The following OSBPL9 variants were observed in gnomAD, a reference collection of about 807,000 sequenced individuals.
The protein encoded by OSBPL9 is oxysterol-binding protein-related protein 9.
OSBPL9 carries 40 observed loss-of-function variants against 106.6 expected under a neutral mutation model. That is an observed-to-expected ratio of 0.38 (90% CI 0.29 to 0.49). The LOEUF is 0.49. Ranked by LOEUF, OSBPL9 falls within the 20% of genes least tolerant of loss-of-function variation. OSBPL9 has a pLI of 0.97. For synonymous variants in OSBPL9, 269 were observed against 295.4 expected (o/e 0.91, Z 0.92); for missense variants, 609 against 887.2 (o/e 0.69, Z 3.98).
intron 1 of OSBPL9, among the ~76,000 whole-genome samples, chr1:51,588,479 C>G (rs1271580716): frequency 6.6e-6 from 1 of 152,130 alleles, no homozygotes; most frequent in Admixed American, 6.5e-5. Flanking sequence ...GGCCACATAG[C>G]AAGACCCCTG....
chr1:51,735,079 A>G (rs1293711690), intron 4 of OSBPL9, among the ~76,000 whole-genome samples: 1 of 152,184 alleles, frequency 6.6e-6, no homozygotes, highest in Non-Finnish European at 1.5e-5. Flanking sequence ...AGCTTTCAGC[A>G]TCTGGGATCC....
At chr1:51,649,736 C>CTTTTTTTTTTT (rs71578080) in intron 1 of OSBPL9, among the ~76,000 whole-genome samples, 4 of 96,986 alleles carry the variant, frequency 4.1e-5, no homozygotes, top group African/African-American at 1.2e-4. Context: ...ACATGTTAGT[C>CTTTTTTTTTTT]TTTTTTTTTT....
At chr1:51,750,116 A>T in intron 7 of OSBPL9, 29 bp from the exon 8 acceptor site, 1 of 1,542,522 alleles carries the variant, frequency 6.5e-7, no homozygotes, top group Non-Finnish European at 8.9e-7. Flanking sequence ...TTGAGCCAAG[A>T]TCCTAAAATC....
intron 4 of OSBPL9, among the ~76,000 whole-genome samples, chr1:51,733,094 G>A (rs1664828643): frequency 6.6e-6 from 1 of 152,184 alleles, no homozygotes; most frequent in African/African-American, 2.4e-5. Flanking sequence ...CAGGCAGGGT[G>A]AGTTTGTTAC....
rs189124632 is a variant in OSBPL9 at position 51,770,432 on chromosome 1, C to G, written c.939-1638C>G. 7.8e-4 allele frequency among the ~76,000 whole-genome samples: 119 copies of G among 152,222 alleles called. 1 individual carries two copies. Among genetic ancestry groups the G allele is most frequent in the Admixed American group, 5.8e-3 (89 of 15,294 alleles). ...TGCTGGGATTACAAGCCTGAGCCAC[C>G]ATGCCCAGCCTAATTTTTTATTTTT... On this transcript the variant is annotated intron_variant, in intron 12 of 23. Coordinates refer to ENST00000428468, the MANE Select transcript of OSBPL9 (RefSeq NM_024586.6).
chr1:51,596,543 G>C (rs908272005), intron 1 of OSBPL9, among the ~76,000 whole-genome samples: 2 of 113,708 alleles, frequency 1.8e-5, no homozygotes, highest in African/African-American at 6.9e-5. Flanking sequence ...TAGGCGAGAA[G>C]AGTGAAACTC....
rs771854307 is a variant in OSBPL9, at chr1:51,788,912, A to C, written c.*1123A>C. Among the ~76,000 whole-genome samples the C allele has an allele frequency of 4.3e-5, 4 of 92,314 alleles. No individual in the cohort carries two copies. Among genetic ancestry groups the C allele is most frequent in the Non-Finnish European group, 8.2e-5 (4 of 48,676 alleles). The allele number at this position is 92,314 out of a possible 152,430, so 60.6% of individuals were successfully genotyped here. A position where few individuals can be genotyped will look rare whatever the true frequency, so the allele number is the denominator to read the frequency against. The stretch of plus-strand genomic sequence containing the variant: ...AAACAGGTATTAGTACCTAGCATTT[A>C]GTTAGTTATTCAATATACTGGTTAC... On this transcript the variant is annotated 3_prime_UTR_variant, in exon 24 of 24. Coordinates refer to ENST00000428468, the MANE Select transcript of OSBPL9 (RefSeq NM_024586.6).
At chr1:51,702,424 C>T (rs1657486726) in intron 3 of OSBPL9, among the ~76,000 whole-genome samples, 2 of 152,198 alleles carry the variant, frequency 1.3e-5, no homozygotes, top group African/African-American at 4.8e-5. Context: ...TTTCACGTGT[C>T]TGTTGGCTGC....
chr1:51,782,475 GAGCA>G, intron 16 of OSBPL9, 80 bp from the exon 17 acceptor site: 4 of 931,108 alleles, frequency 4.3e-6, no homozygotes, highest in Admixed American at 2.3e-5. Context: ...TGTGTAGAGC[GAGCA>G]GAGACCCCAA....
chr1:51,680,776 G>T (rs1219883399), intron 3 of OSBPL9, among the ~76,000 whole-genome samples: 6 of 151,916 alleles, frequency 3.9e-5, no homozygotes, highest in Non-Finnish European at 7.4e-5. Context: ...TCTCCATTTG[G>T]TTAATCTTTA....
At chr1:51,658,019 G>A (rs1410794636) in intron 2 of OSBPL9, among the ~76,000 whole-genome samples, 1 of 151,746 alleles carries the variant, frequency 6.6e-6, no homozygotes, top group Non-Finnish European at 1.5e-5. Context: ...GAGGTGGGAG[G>A]ATCACTTGAG....
chr1:51,682,014 C>A (rs1206741174), intron 3 of OSBPL9, among the ~76,000 whole-genome samples: 1 of 152,042 alleles, frequency 6.6e-6, no homozygotes, highest in Admixed American at 6.6e-5. Flanking sequence ...CCAGCCTGGG[C>A]AACATGGCAA....
intron 3 of OSBPL9, among the ~76,000 whole-genome samples, chr1:51,676,295 G>A (rs1431661530): frequency 6.6e-6 from 1 of 151,962 alleles, no homozygotes; most frequent in Non-Finnish European, 1.5e-5. Flanking sequence ...GCCAGGGATG[G>A]TGGTGCGTGC....
intron 4 of OSBPL9, among the ~76,000 whole-genome samples, chr1:51,737,611 C>T (rs534156854): frequency 1.9e-4 from 28 of 147,694 alleles, no homozygotes; most frequent in Admixed American, 6.1e-4. Flanking sequence ...ACTTCTAGTG[C>T]GTAAGTAAAA....
chr1:51,661,840 C>CA (rs1011542117), intron 2 of OSBPL9, among the ~76,000 whole-genome samples: 3 of 151,994 alleles, frequency 2.0e-5, no homozygotes, highest in Non-Finnish European at 4.4e-5. Flanking sequence ...GGAACATGTG[C>CA]AAAAAATGGT....
intron 3 of OSBPL9, among the ~76,000 whole-genome samples, chr1:51,685,740 C>T (rs1653646255): frequency 6.6e-6 from 1 of 152,186 alleles, no homozygotes; most frequent in Non-Finnish European, 1.5e-5. Context: ...CTCCATTAAC[C>T]TCTTACAAAA....
chr1:51,779,139 TAA>T (rs1270493859), intron 15 of OSBPL9, among the ~76,000 whole-genome samples: 9 of 152,158 alleles, frequency 5.9e-5, no homozygotes, highest in African/African-American at 2.2e-4. Flanking sequence ...GTTTTTTGAT[TAA>T]GTGACGATTA....
At chr1:51,530,184 A>C in the OSBPL9 span, among the ~76,000 whole-genome samples, 5 of 103,442 alleles carry the variant, frequency 4.8e-5, no homozygotes, top group East Asian at 2.1e-4. Context: ...AAAAAAAAAA[A>C]AAAAAAAACA....
At chr1:51,776,013 G>T (rs1044819521) in intron 14 of OSBPL9, among the ~76,000 whole-genome samples, 1 of 152,134 alleles carries the variant, frequency 6.6e-6, no homozygotes, top group African/African-American at 2.4e-5. Context: ...ACTTCGTAAT[G>T]AATAATTGAT....
Sources: allele counts gnomAD v4.1 joint callset (sites outside exome capture counted in the v4.1 genomes callset), GRCh38; gene constraint gnomAD v4.1.1; transcripts MANE v1.5; gene names NCBI Gene and HGNC (gene_info 2026-07-23, HGNC 2026-07-21).